Variants in CLDN14 observed in about 807,000 individuals in gnomAD.
CLDN14 encodes claudin 14, also known as claudin-14.
In CLDN14, 2 loss-of-function variants were observed where a neutral mutation model predicts 2.1. The observed-to-expected ratio is 0.96, with a 90% CI of 0.39 to 3.01. The LOEUF is 3.01. Ranked by LOEUF, CLDN14 falls within the 30% of genes most tolerant of loss-of-function variation. The pLI, the probability that CLDN14 is intolerant of heterozygous loss-of-function variation, is 0.09. For synonymous variants in CLDN14, 136 were observed against 154.4 expected, an observed-to-expected ratio of 0.88 and a Z score of 0.88; for missense variants, 298 against 328.0, an observed-to-expected ratio of 0.91 and a Z score of 0.71.
chr21:36,530,243 A>G (rs527761819), intron 1 of CLDN14, among the ~76,000 whole-genome samples: 51 of 152,256 alleles, frequency 3.3e-4, no homozygotes, highest in African/African-American at 1.2e-3. Context: ...GTGCTGTACA[A>G]ATGAAGACAC....
chr21:36,487,274 C>T (rs568327710), intron 2 of CLDN14: 10 of 215,154 alleles, frequency 4.6e-5, no homozygotes, highest in East Asian at 1.6e-4. Flanking sequence ...TGAACCACTG[C>T]GCCCGGCCTG....
intron 2 of CLDN14, among the ~76,000 whole-genome samples, chr21:36,492,643 GA>G (rs545299912): frequency 7.1e-4 from 108 of 151,632 alleles, no homozygotes; most frequent in African/African-American, 2.4e-3. Flanking sequence ...AAAACAAAAC[GA>G]AAAAAAGGTA....
At chr21:36,562,664 A>G (rs2146524684) in intron 1 of CLDN14, among the ~76,000 whole-genome samples, 1 of 150,396 alleles carries the variant, frequency 6.6e-6, no homozygotes, top group African/African-American at 2.4e-5. Flanking sequence ...CCTTATCTTT[A>G]AAATATTCAA....
intron 1 of CLDN14, among the ~76,000 whole-genome samples, chr21:36,470,456 C>T (rs773070293): frequency 1.2e-4 from 19 of 152,154 alleles, no homozygotes; most frequent in African/African-American, 1.7e-4. Flanking sequence ...CGCGGAGAAT[C>T]GCCAGCAACC....
At chr21:36,525,786 C>T (rs1293200331) in intron 1 of CLDN14, among the ~76,000 whole-genome samples, 1 of 152,190 alleles carries the variant, frequency 6.6e-6, no homozygotes, top group Non-Finnish European at 1.5e-5. Context: ...GCTGCCCTCT[C>T]ATCAGGAACG....
At chr21:36,462,045 G>A (rs2086584962) in intron 1 of CLDN14, among the ~76,000 whole-genome samples, 2 of 152,302 alleles carry the variant, frequency 1.3e-5, no homozygotes, top group Admixed American at 1.3e-4. Flanking sequence ...GTCCACCCTT[G>A]AGCACTGCTG....
intron 1 of CLDN14, among the ~76,000 whole-genome samples, chr21:36,560,177 C>T (rs564630372): frequency 1.3e-5 from 2 of 150,830 alleles, no homozygotes; most frequent in Non-Finnish European, 1.5e-5. Flanking sequence ...AATACTTATA[C>T]ACATTTTACG....
At chr21:36,540,764 A>C (rs2087482657) in intron 1 of CLDN14, among the ~76,000 whole-genome samples, 1 of 152,204 alleles carries the variant, frequency 6.6e-6, no homozygotes, top group Admixed American at 6.5e-5. Flanking sequence ...GCCAGACCTT[A>C]CAGGTGGTGA....
intron 2 of CLDN14, among the ~76,000 whole-genome samples, chr21:36,508,109 C>G (rs534173653): frequency 5.9e-5 from 9 of 152,178 alleles, no homozygotes; most frequent in Non-Finnish European, 8.8e-5. Flanking sequence ...TACAAATGCT[C>G]TTGGCCGAAG....
At chr21:36,489,131 A>AAAAATATATATATAT in intron 2 of CLDN14, among the ~76,000 whole-genome samples, 3 of 62,736 alleles carry the variant, frequency 4.8e-5, no homozygotes, top group African/African-American at 1.8e-4. Flanking sequence ...AAAAAAAAAA[A>AAAAATATATATATAT]ATATATATAT....
intron 1 of CLDN14, among the ~76,000 whole-genome samples, chr21:36,515,280 A>G (rs1369285564): frequency 6.6e-6 from 1 of 152,232 alleles, no homozygotes; most frequent in Non-Finnish European, 1.5e-5. Flanking sequence ...CATTATTCAC[A>G]GTAGCCAAAA....
rs971341675 is a variant in CLDN14, at chr21:36,509,652, G to C, written c.-82+711C>G. On this transcript the variant is annotated intron_variant, in intron 2 of 2. Transcript: ENST00000342108. ...TCACTCTGTCACAGGCTGGAGTGCA[G>C]TGGCGCAATCTCTGCTCATTGCAAC... 2.0e-5 allele frequency among the ~76,000 whole-genome samples: 3 copies of C among 152,242 alleles called. 1 individual carries two copies. The South Asian group carries it at 6.2e-4, about 32-fold the overall frequency.
At chr21:36,494,443 C>T (rs184709589) in intron 2 of CLDN14, among the ~76,000 whole-genome samples, 8 of 152,208 alleles carry the variant, frequency 5.3e-5, no homozygotes, top group East Asian at 3.9e-4. Context: ...CTGGCATGTT[C>T]GAGAGAATCT....
At chr21:36,515,869 C>G (rs1463384183) in intron 1 of CLDN14, among the ~76,000 whole-genome samples, 1 of 145,224 alleles carries the variant, frequency 6.9e-6, no homozygotes, top group Non-Finnish European at 1.5e-5. Flanking sequence ...TCACTGCAAC[C>G]TCCGCCTCCC....
At chr21:36,476,047 G>C (rs2086775246) in intron 1 of CLDN14, among the ~76,000 whole-genome samples, 1 of 152,154 alleles carries the variant, frequency 6.6e-6, no homozygotes, top group South Asian at 2.1e-4. Context: ...TCATAGTTCA[G>C]ATGTCTGTTC....
At chr21:36,470,922 G>A (rs971318285) in intron 1 of CLDN14, among the ~76,000 whole-genome samples, 1 of 152,270 alleles carries the variant, frequency 6.6e-6, no homozygotes, top group East Asian at 1.9e-4. Flanking sequence ...ATTGCAATAA[G>A]CAGAGATTGT....
At chr21:36,476,328 G>A (rs549237945) in intron 1 of CLDN14, among the ~76,000 whole-genome samples, 41 of 152,240 alleles carry the variant, frequency 2.7e-4, no homozygotes, top group African/African-American at 8.4e-4. Context: ...AGAGCCCCAC[G>A]GAAGCCTGTT....
upstream of CLDN14, among the ~76,000 whole-genome samples, chr21:36,482,367 C>T (rs1278628963): frequency 3.7e-5 from 5 of 134,250 alleles, no homozygotes; most frequent in South Asian, 2.4e-4. Flanking sequence ...GATGGATAGA[C>T]TGACGGATGG....
At chr21:36,494,915 C>T (rs190878760) in intron 2 of CLDN14, among the ~76,000 whole-genome samples, 9 of 152,336 alleles carry the variant, frequency 5.9e-5, no homozygotes, top group South Asian at 2.1e-4. Context: ...TGTGCATCCC[C>T]GTAGACATCT....
Sources: allele counts gnomAD v4.1 joint callset (sites outside exome capture counted in the v4.1 genomes callset), GRCh38; gene constraint gnomAD v4.1.1; transcripts MANE v1.5; gene names NCBI Gene and HGNC (gene_info 2026-07-23, HGNC 2026-07-21).